MEI4: variants seen among roughly 807,000 people sequenced by gnomAD.
MEI4 encodes the protein meiosis-specific protein MEI4.
Under a neutral mutation model 31.4 loss-of-function variants are expected in MEI4, and 27 were observed. The observed-to-expected ratio is 0.86, with a 90% CI of 0.63 to 1.19. The LOEUF is 1.19. MEI4 is among the 50% of genes most tolerant of loss of function. MEI4 has a pLI of 0.00. For missense variants in MEI4, 329 were observed against 398.9 expected (o/e 0.82, Z 1.49); for synonymous variants, 122 against 145.4 (o/e 0.84, Z 1.16).
At chr6:77,795,220 C>G (rs1232351453) in intron 3 of MEI4, among the ~76,000 whole-genome samples, 4 of 152,040 alleles carry the variant, frequency 2.6e-5, no homozygotes, top group Admixed American at 6.6e-5. Flanking sequence ...ATGATTAGCA[C>G]AGAAATAAAT....
intron 3 of MEI4, among the ~76,000 whole-genome samples, chr6:77,818,613 T>C (rs938617411): frequency 5.3e-5 from 8 of 152,184 alleles, no homozygotes; most frequent in African/African-American, 1.9e-4. Context: ...TTCTATATTA[T>C]ATTGTAAGTA....
intron 4 of MEI4, among the ~76,000 whole-genome samples, chr6:77,917,360 T>C (rs1223364275): frequency 6.6e-6 from 1 of 150,958 alleles, no homozygotes; most frequent in East Asian, 2.0e-4. Context: ...ACTTCCACAA[T>C]GGTTGTACTA....
chr6:77,914,040 A>AC (rs1766489374), intron 4 of MEI4, among the ~76,000 whole-genome samples: 1 of 151,046 alleles, frequency 6.6e-6, no homozygotes, highest in Non-Finnish European at 1.5e-5. Context: ...TCAAGAAAAA[A>AC]AAAAAAAACT....
chr6:77,781,456 G>T (rs979752831), intron 3 of MEI4, among the ~76,000 whole-genome samples: 20 of 152,002 alleles, frequency 1.3e-4, no homozygotes, highest in African/African-American at 4.6e-4. Flanking sequence ...GAACCATGTT[G>T]GTATTACCTG....
chr6:77,697,136 G>T (rs1201684237), intron 2 of MEI4, among the ~76,000 whole-genome samples: 1 of 152,102 alleles, frequency 6.6e-6, no homozygotes, highest in Non-Finnish European at 1.5e-5. Context: ...TTTTTATTGT[G>T]TCTATTTGAT....
Position 77,876,438 on chromosome 6 carries a change from C to T in MEI4, c.901-46651C>T, listed in dbSNP as rs534948051. Among the ~76,000 whole-genome samples, 4 of 152,258 alleles carry T rather than the reference C, an allele frequency of 2.6e-5. No individual in the cohort carries two copies. In the South Asian group the frequency reaches 6.2e-4, roughly 24 times the overall value. On this transcript the variant is annotated intron_variant, in intron 4 of 4. Coordinates refer to ENST00000684080, the MANE Select transcript of MEI4 (RefSeq NM_001322247.2). ...TTCATTTACCATGTGATACCCTTAG[C>T]CATGGGATGGCCTTCACCAGATGCT...
chr6:77,866,088 TAAG>T (rs1771018419), intron 4 of MEI4, among the ~76,000 whole-genome samples: 1 of 151,778 alleles, frequency 6.6e-6, no homozygotes, highest in Non-Finnish European at 1.5e-5. Context: ...CTCAAAATAA[TAAG>T]AGCTATCTAT....
At chr6:77,740,024 A>T (rs1767358145) in intron 2 of MEI4, among the ~76,000 whole-genome samples, 1 of 152,176 alleles carries the variant, frequency 6.6e-6, no homozygotes, top group Admixed American at 6.6e-5. Context: ...AGTTTCAAAC[A>T]ATTTATTGAT....
intron 3 of MEI4, among the ~76,000 whole-genome samples, chr6:77,799,252 A>T (rs1206592375): frequency 6.6e-6 from 1 of 152,124 alleles, no homozygotes; most frequent in African/African-American, 2.4e-5. Context: ...AGTGATGGTG[A>T]GCATTTTTTC....
chr6:77,821,419 G>A lies in MEI4; in HGVS notation c.769-7512G>A, dbSNP rs370700756. Among the ~76,000 whole-genome samples the A allele has an allele frequency of 5.9e-5, 9 of 152,152 alleles. No homozygotes were observed. In the South Asian group the frequency reaches 1.4e-3, roughly 24 times the overall value. On this transcript the variant is annotated intron_variant, in intron 3 of 4. Transcript: ENST00000684080. ...TTGCAGTTGCCAGAAAAAAAAAGTA[G>A]CTTCATCTCTCAGCATGCGGTTTCC...
At chr6:77,881,843 T>A (rs1405459356) in intron 4 of MEI4, among the ~76,000 whole-genome samples, 1 of 152,254 alleles carries the variant, frequency 6.6e-6, no homozygotes, top group Non-Finnish European at 1.5e-5. Flanking sequence ...TTTTATATTT[T>A]TTGTGACTTC....
intron 4 of MEI4, among the ~76,000 whole-genome samples, chr6:77,894,024 A>C (rs909133792): frequency 6.6e-5 from 10 of 152,158 alleles, no homozygotes; most frequent in South Asian, 2.1e-4. Flanking sequence ...AAATATGTTT[A>C]CTGTTTATTA....
intron 3 of MEI4, among the ~76,000 whole-genome samples, chr6:77,771,137 G>A (rs761524777): frequency 7.2e-5 from 11 of 151,888 alleles, no homozygotes; most frequent in Non-Finnish European, 1.3e-4. Context: ...GACATGAATC[G>A]ACACTTTTCA....
chr6:77,673,556 C>G (rs948826253), intron 1 of MEI4, among the ~76,000 whole-genome samples: 1 of 152,142 alleles, frequency 6.6e-6, no homozygotes, highest in African/African-American at 2.4e-5. Flanking sequence ...TATGCACACC[C>G]TCTTGGGGGT....
At chr6:77,916,144 C>G (rs1766539545) in intron 4 of MEI4, among the ~76,000 whole-genome samples, 1 of 152,028 alleles carries the variant, frequency 6.6e-6, no homozygotes, top group Non-Finnish European at 1.5e-5. Context: ...ATACATTTCT[C>G]ATTCATATCA....
At chr6:77,918,801 C>G (rs1766629461) in intron 4 of MEI4, among the ~76,000 whole-genome samples, 1 of 151,988 alleles carries the variant, frequency 6.6e-6, no homozygotes, top group Non-Finnish European at 1.5e-5. Context: ...ACTTCCAATA[C>G]TATGTTGAAT....
intron 2 of MEI4, among the ~76,000 whole-genome samples, chr6:77,734,581 C>T (rs1464877009): frequency 2.0e-5 from 3 of 152,066 alleles, no homozygotes; most frequent in African/African-American, 7.3e-5. Context: ...TGGGTCTTGA[C>T]TCTTTATCCA....
chr6:77,738,073 C>G (rs1433029208), intron 2 of MEI4, among the ~76,000 whole-genome samples: 2 of 152,126 alleles, frequency 1.3e-5, no homozygotes, highest in Non-Finnish European at 2.9e-5. Flanking sequence ...ATCCACGAAA[C>G]TGGAATGAGG....
intron 1 of MEI4, among the ~76,000 whole-genome samples, chr6:77,679,099 A>T (rs1422484996): frequency 6.6e-6 from 1 of 152,234 alleles, no homozygotes; most frequent in Non-Finnish European, 1.5e-5. Context: ...TGAAATGTTT[A>T]TAAGGTAAAA....
Sources: gnomAD v4.1 joint callset for allele counts (sites outside exome capture counted in the v4.1 genomes callset) on GRCh38, gnomAD v4.1.1 for gene constraint, MANE v1.5 for transcripts, NCBI Gene and HGNC (gene_info 2026-07-23, HGNC 2026-07-21) for gene names.